The following JARID2 variants were observed in gnomAD, a reference collection of about 807,000 sequenced individuals.
The protein encoded by JARID2 is protein Jumonji.
JARID2 carries 21 observed loss-of-function variants against 125.6 expected under a neutral mutation model. The observed-to-expected ratio is 0.17, with a 90% CI of 0.12 to 0.24. The LOEUF is 0.24. Ranked by LOEUF, JARID2 falls within the 10% of genes least tolerant of loss-of-function variation. The pLI is 1.00. For missense variants in JARID2, 1,303 were observed against 1,639.6 expected (o/e 0.79, Z 3.55); for synonymous variants, 736 against 661.6 (o/e 1.11, Z -1.73).
intron 1 of JARID2, among the ~76,000 whole-genome samples, chr6:15,338,038 C>T (rs1336162442): frequency 1.3e-5 from 2 of 152,124 alleles, no homozygotes; most frequent in Non-Finnish European, 2.9e-5. Flanking sequence ...GTAAACAGGC[C>T]CAGGGAACTC....
rs1424133437 is a variant in JARID2 at position 15,413,515 on chromosome 6, T to G, written c.323+3150T>G. Among the ~76,000 whole-genome samples the G allele has an allele frequency of 2.0e-5, 3 of 152,380 alleles. No individual in the cohort carries two copies. In the East Asian group the frequency reaches 5.8e-4, roughly 29 times the overall value. On this transcript the variant is annotated intron_variant, in intron 3 of 17. Coordinates refer to ENST00000341776, the MANE Select transcript of JARID2 (RefSeq NM_004973.4). ...GCTTGGTATTCAAAGATTGAGGGAC[T>G]GCATCTGGCGAGAGCTTTCTTGCTG...
chr6:15,286,128 C>T (rs1430528937), intron 1 of JARID2, among the ~76,000 whole-genome samples: 1 of 152,160 alleles, frequency 6.6e-6, no homozygotes, highest in Non-Finnish European at 1.5e-5. Flanking sequence ...TTGCTTGACT[C>T]TCCTTTGGGT....
intron 1 of JARID2, among the ~76,000 whole-genome samples, chr6:15,255,721 G>C (rs548677567): frequency 6.6e-6 from 1 of 152,236 alleles, no homozygotes; most frequent in Admixed American, 6.5e-5. Context: ...AAATGAGAAG[G>C]GATTAGGGCT....
chr6:15,483,057 C>T (rs1026637037), intron 5 of JARID2, among the ~76,000 whole-genome samples: 1 of 152,156 alleles, frequency 6.6e-6, no homozygotes, highest in African/African-American at 2.4e-5. Context: ...CTATTAGTTA[C>T]TTTCCTTGAA....
chr6:15,487,108 A>G (rs1769909047), intron 5 of JARID2, among the ~76,000 whole-genome samples, 199 bp from the exon 6 acceptor site: 1 of 152,096 alleles, frequency 6.6e-6, no homozygotes, highest in Admixed American at 6.5e-5. Context: ...TCTCATGAGA[A>G]CGCACTTGTT....
intron 1 of JARID2, among the ~76,000 whole-genome samples, chr6:15,286,640 C>A (rs1004264826): frequency 6.6e-6 from 1 of 151,734 alleles, no homozygotes; most frequent in East Asian, 2.0e-4. Flanking sequence ...ACGGGCGGAT[C>A]ACGAGGTCAG....
intron 5 of JARID2, among the ~76,000 whole-genome samples, chr6:15,478,577 A>G (rs1338233677): frequency 2.6e-5 from 4 of 152,058 alleles, no homozygotes; most frequent in South Asian, 4.2e-4. Flanking sequence ...ACAGTTTACA[A>G]ATTCCTTACT....
chr6:15,389,595 G>T (rs889213836), intron 2 of JARID2, among the ~76,000 whole-genome samples: 15 of 152,316 alleles, frequency 9.8e-5, no homozygotes, highest in African/African-American at 2.6e-4. Context: ...GGGCCTTCCA[G>T]TTTGCTCAGT....
intron 1 of JARID2, among the ~76,000 whole-genome samples, chr6:15,365,000 G>T (rs1322911878): frequency 6.6e-6 from 1 of 152,076 alleles, no homozygotes; most frequent in Non-Finnish European, 1.5e-5. Context: ...TTTTTTGGGG[G>T]TATATCATAA....
intron 2 of JARID2, among the ~76,000 whole-genome samples, chr6:15,393,492 T>C (rs1299580663): frequency 1.3e-5 from 2 of 152,252 alleles, no homozygotes; most frequent in Non-Finnish European, 2.9e-5. Flanking sequence ...TTCCCTGTGA[T>C]ACCATGTAAA....
At chr6:15,515,231 G>T (rs367683336) in intron 16 of JARID2, among the ~76,000 whole-genome samples, 1 of 151,966 alleles carries the variant, frequency 6.6e-6, no homozygotes, top group East Asian at 1.9e-4. Context: ...GGTAGAGATG[G>T]GGTTTTGCTG....
intron 1 of JARID2, among the ~76,000 whole-genome samples, chr6:15,282,590 T>C (rs1271618848): frequency 2.7e-5 from 4 of 149,540 alleles, no homozygotes; most frequent in Non-Finnish European, 6.0e-5. Context: ...TCTCCCCCTC[T>C]CCTCTCTTTC....
intron 1 of JARID2, among the ~76,000 whole-genome samples, chr6:15,358,477 A>C (rs746623404): frequency 2.6e-5 from 4 of 152,184 alleles, no homozygotes; most frequent in Non-Finnish European, 5.9e-5. Context: ...CCTCTGACTC[A>C]GAGATTCAGG....
chr6:15,455,381 T>C (rs945319772), intron 4 of JARID2, among the ~76,000 whole-genome samples: 7 of 152,182 alleles, frequency 4.6e-5, no homozygotes, highest in African/African-American at 1.7e-4. Context: ...ACATTTATAA[T>C]TTCTTAGTGT....
At position 15,501,412 on chromosome 6, in the gene JARID2, AG is replaced by A; in HGVS notation, c.2448+7del. On this transcript the variant is annotated splice_donor_region_variant and intron_variant, in intron 8 of 17. Coordinates refer to ENST00000341776, the MANE Select transcript of JARID2 (RefSeq NM_004973.4). ...ACTTCCACAAGTGCATCTATAAGGT[AG>A]GGGCCTCCGCAGAGCAGCCACTCCC... 3.9e-6 allele frequency: 6 copies of A among 1,529,350 alleles called. No homozygotes were observed. The highest frequency in any genetic ancestry group is 1.3e-5 in the South Asian group (1 of 77,232). The allele number at this position is 1,529,350 out of a possible 1,614,324, so 94.7% of individuals were successfully genotyped here. A position where few individuals can be genotyped will look rare whatever the true frequency, so the allele number is the denominator to read the frequency against.
At chr6:15,410,392 G>T (rs748852880) in intron 3 of JARID2, 27 bp downstream of exon 3, 2 of 1,609,034 alleles carry the variant, frequency 1.2e-6, no homozygotes, top group Non-Finnish European at 1.7e-6. Context: ...GAAAATATTG[G>T]TACCTTCAAC....
rs71944757 is a variant in JARID2 at position 15,320,852 on chromosome 6, C to CTGTGTGTG, written c.46-53241_46-53234dup. ...AATATGATTCATTCTCTCTCTCTCT[C>CTGTGTGTG]TGTGTGTGTGTGTGTGTGTGTGTGT... is the stretch of plus-strand genomic sequence containing the variant. On this transcript the variant is annotated intron_variant, in intron 1 of 17. Transcript: ENST00000341776. Among the ~76,000 whole-genome samples the CTGTGTGTG allele has an allele frequency of 7.1e-3, 1,039 of 145,388 alleles. 11 individuals carry two copies. The highest frequency in any genetic ancestry group is 0.017 in the African/African-American group (675 of 39,330).
At position 15,520,593 on chromosome 6, in the gene JARID2, T is replaced by C; in HGVS notation, c.*342T>C. The C allele has an allele frequency of 3.4e-6, 1 of 292,572 alleles. No homozygotes were observed. The highest frequency in any genetic ancestry group is 6.8e-6 in the Non-Finnish European group (1 of 147,832). 18.1% of individuals were successfully genotyped at this position (292,572 alleles called of 1,614,324 possible). On this transcript the variant is annotated 3_prime_UTR_variant, in exon 18 of 18. Transcript: ENST00000341776. ...GTAACTGTTGGGGGGAAAAAGGCTT[T>C]TTAACCCATTTTTGAAGAGGGTGAA...
chr6:15,367,473 A>G (rs1226464104), intron 1 of JARID2, among the ~76,000 whole-genome samples: 2 of 152,198 alleles, frequency 1.3e-5, no homozygotes, highest in Non-Finnish European at 2.9e-5. Context: ...AAGCCTCTGC[A>G]AACCAATAAT....
Sources: allele counts gnomAD v4.1 joint callset (sites outside exome capture counted in the v4.1 genomes callset), GRCh38; gene constraint gnomAD v4.1.1; transcripts MANE v1.5; gene names NCBI Gene and HGNC (gene_info 2026-07-23, HGNC 2026-07-21).